STX12: variants seen among roughly 807,000 people sequenced by gnomAD.
STX12 encodes the protein syntaxin 12.
Under a neutral mutation model 42.2 loss-of-function variants are expected in STX12, and 17 were observed. The ratio of observed to expected loss-of-function variants is 0.40; its 90% CI spans 0.28 to 0.60. The LOEUF is 0.60. STX12 is among the 20% of genes least tolerant of loss of function. STX12 has a pLI of 0.39. For synonymous variants in STX12, 108 were observed against 116.7 expected (o/e 0.93, Z 0.48); for missense variants, 297 against 330.9 (o/e 0.90, Z 0.79).
At chr1:27,785,948 T>C (rs2088695708) in intron 1 of STX12, among the ~76,000 whole-genome samples, 1 of 152,090 alleles carries the variant, frequency 6.6e-6, no homozygotes, top group African/African-American at 2.4e-5. Flanking sequence ...ATCAGATAAG[T>C]AGGGTGGGGC....
intron 6 of STX12, among the ~76,000 whole-genome samples, chr1:27,815,711 T>C (rs2088936775): frequency 6.6e-6 from 1 of 152,194 alleles, no homozygotes. Context: ...TAGTCCACTA[T>C]AGTAGACTCT....
chr1:27,795,030 C>T (rs185790976), intron 3 of STX12, among the ~76,000 whole-genome samples: 81 of 152,202 alleles, frequency 5.3e-4, no homozygotes, highest in African/African-American at 1.8e-3. Flanking sequence ...ACCTTTATAT[C>T]GTTTTTTATG....
At chr1:27,786,304 A>G (rs559582869) in intron 1 of STX12, among the ~76,000 whole-genome samples, 1 of 152,140 alleles carries the variant, frequency 6.6e-6, no homozygotes, top group South Asian at 2.1e-4. Context: ...CTCTTCTCCT[A>G]GAATGCTTCT....
intron 5 of STX12, 58 bp from the exon 6 acceptor site, chr1:27,812,105 A>G: frequency 7.3e-7 from 1 of 1,370,134 alleles, no homozygotes; most frequent in Non-Finnish European, 1.0e-6. Context: ...GATGTTGGAG[A>G]TATGTCTTGT....
intron 3 of STX12, among the ~76,000 whole-genome samples, chr1:27,794,095 G>A (rs909303624): frequency 2.0e-5 from 3 of 151,592 alleles, no homozygotes; most frequent in Admixed American, 2.0e-4. Context: ...TGAAATCATA[G>A]CTCACTGCAG....
chr1:27,817,956 G>A lies in STX12; in HGVS notation c.649+33G>A, dbSNP rs185750230. The A allele has an allele frequency of 3.8e-6, 6 of 1,565,552 alleles. No homozygotes were observed. The East Asian group carries it at 1.3e-4, about 35-fold the overall frequency. On this transcript the variant is annotated intron_variant, in intron 7 of 8. Transcript: ENST00000373943. Reference sequence around the variant, plus strand: ...TTATTGATACCTTTAACCTCAAGGTGAGTTGATAGTATTTGGCATGCATCT... The same window carrying A: ...TTATTGATACCTTTAACCTCAAGGTAAGTTGATAGTATTTGGCATGCATCT...
chr1:27,791,474 T>C (rs1407607617), intron 2 of STX12, among the ~76,000 whole-genome samples: 1 of 152,144 alleles, frequency 6.6e-6, no homozygotes, highest in African/African-American at 2.4e-5. Flanking sequence ...TTTTATCACA[T>C]CCTTTTCTGC....
intron 6 of STX12, among the ~76,000 whole-genome samples, chr1:27,814,861 T>C (rs2088930157): frequency 1.3e-5 from 2 of 149,774 alleles, no homozygotes; most frequent in South Asian, 4.2e-4. Flanking sequence ...AAAATACAGT[T>C]GGCCCTCGAT....
At chr1:27,794,642 C>A (rs1165512774) in intron 3 of STX12, among the ~76,000 whole-genome samples, 1 of 152,164 alleles carries the variant, frequency 6.6e-6, no homozygotes, top group Non-Finnish European at 1.5e-5. Context: ...AAAAAACTTT[C>A]TCCGTCTACC....
rs900722265 is a variant in STX12 at position 27,773,275 on chromosome 1, C to A, written c.-33C>A. The stretch of plus-strand genomic sequence containing the variant: ...CTGGCGGCTGCTTCCGGTAGGAGAG[C>A]GGTGTAGAGCGAGCAGGTCTCAGCT... On this transcript the variant is annotated 5_prime_UTR_variant, in exon 1 of 9. Coordinates refer to ENST00000373943, the MANE Select transcript of STX12 (RefSeq NM_177424.3). 1.1e-5 allele frequency: 16 copies of A among 1,421,466 alleles called. No homozygotes were observed. The allele number at this position is 1,421,466 out of a possible 1,614,324, so 88.1% of individuals were successfully genotyped here.
intron 1 of STX12, among the ~76,000 whole-genome samples, chr1:27,783,712 G>T (rs112485554): frequency 0.026 from 3,903 of 152,190 alleles, 76 homozygotes; most frequent in Middle Eastern, 0.065. Context: ...TAGTCATCTG[G>T]TTTCTAGGAT....
chr1:27,815,220 G>C (rs2088932973), intron 6 of STX12, among the ~76,000 whole-genome samples: 1 of 152,190 alleles, frequency 6.6e-6, no homozygotes, highest in Non-Finnish European at 1.5e-5. Context: ...GATACCAAGG[G>C]ACGAATGTAC....
chr1:27,775,473 T>A (rs982886155), intron 1 of STX12, among the ~76,000 whole-genome samples: 1 of 152,174 alleles, frequency 6.6e-6, no homozygotes, highest in Non-Finnish European at 1.5e-5. Context: ...AGTTTCACCA[T>A]GTTGTCCAGT....
In STX12 at chr1:27,823,476, T is replaced by C. The variant is rs2088999470; in HGVS notation, c.*1147T>C. ...TCAATAAAATTACTGTCTTGTAATA[T>C]AAATGTTGTCCACTTCCCTTTTCCA... is the stretch of plus-strand genomic sequence containing the variant. On this transcript the variant is annotated 3_prime_UTR_variant, in exon 9 of 9. Transcript: ENST00000373943. 6.5e-6 allele frequency: 1 copy of C among 152,674 alleles called. No individual in the cohort carries two copies. Among genetic ancestry groups the C allele is most frequent in the Non-Finnish European group, 1.5e-5 (1 of 68,042 alleles). The allele number at this position is 152,674 out of a possible 1,614,324, so 9.5% of individuals were successfully genotyped here.
chr1:27,806,364 TA>T (rs1168960352), intron 4 of STX12, among the ~76,000 whole-genome samples: 1 of 152,176 alleles, frequency 6.6e-6, no homozygotes, highest in Non-Finnish European at 1.5e-5. Flanking sequence ...TAAGTTCTTA[TA>T]AAACTATATT....
intron 1 of STX12, among the ~76,000 whole-genome samples, chr1:27,780,861 C>T (rs2088663612): frequency 6.6e-6 from 1 of 151,214 alleles, no homozygotes; most frequent in Admixed American, 6.6e-5. Flanking sequence ...CTGAGATGGG[C>T]AAATCGCTGA....
rs1244697458 is a variant in STX12 at position 27,823,387 on chromosome 1, TTAACC to T, written c.*1062_*1066del. On this transcript the variant is annotated 3_prime_UTR_variant, in exon 9 of 9. Coordinates refer to ENST00000373943, the MANE Select transcript of STX12 (RefSeq NM_177424.3). Reference sequence around the variant, plus strand: ...CTGGTTTCAAATAGTGATGTTAGACTTAACCTAATTTATAAACAAGAGATTAATAT... The same window carrying T: ...CTGGTTTCAAATAGTGATGTTAGACTTAATTTATAAACAAGAGATTAATAT... The T allele has an allele frequency of 6.5e-6, 1 of 152,690 alleles. No homozygotes were observed. Among genetic ancestry groups the T allele is most frequent in the Non-Finnish European group, 1.5e-5 (1 of 68,042 alleles). 9.5% of individuals were successfully genotyped at this position (152,690 alleles called of 1,614,324 possible).
chr1:27,796,952 G>T (rs1249939170), intron 3 of STX12, among the ~76,000 whole-genome samples: 1 of 151,790 alleles, frequency 6.6e-6, no homozygotes, highest in Non-Finnish European at 1.5e-5. Context: ...TGATCTGCCA[G>T]CCTTGGCCTC....
At chr1:27,806,260 A>T (rs1480911347) in intron 4 of STX12, among the ~76,000 whole-genome samples, 2 of 152,180 alleles carry the variant, frequency 1.3e-5, no homozygotes, top group Non-Finnish European at 2.9e-5. Context: ...ACAGGCTCAT[A>T]CTTCTTTTCA....
Sources: gnomAD v4.1 joint callset for allele counts (sites outside exome capture counted in the v4.1 genomes callset) on GRCh38, gnomAD v4.1.1 for gene constraint, MANE v1.5 for transcripts, NCBI Gene and HGNC (gene_info 2026-07-23, HGNC 2026-07-21) for gene names.